MYO5C: variants seen among roughly 807,000 people sequenced by gnomAD.
MYO5C encodes unconventional myosin-Vc.
In MYO5C, 194 loss-of-function variants were observed where a neutral mutation model predicts 235.7. That is an observed-to-expected ratio of 0.82 (90% confidence interval 0.73 to 0.93). MYO5C has a LOEUF of 0.93. MYO5C is among the 40% of genes least tolerant of loss of function. The probability of loss-of-function intolerance (pLI) is 0.00; values close to 1 mark genes in which losing one functional copy is unlikely to be tolerated. For synonymous variants in MYO5C, 707 were observed against 754.8 expected (o/e 0.94, Z 1.04); for missense variants, 2,038 against 2,127.2 (o/e 0.96, Z 0.82).
chr15:52,275,591 T>C lies in MYO5C; in HGVS notation c.577A>G (p.Lys193Glu), dbSNP rs1264155965. ...KSGSNAHVED[K>E]VLASNPITEA... ...GTGATGGGATTGGATGCCAGGACCT[T>C]GTCTTCCACGTGAGCGTTGCTGCCC... The change falls in exon 5 of 41, where the codon AAG becomes GAG. Residue 193 changes from lysine (K) to glutamate (E), a missense_variant. Physicochemically the swap from Lys to Glu is moderately conservative, Grantham distance 56. Coordinates refer to ENST00000261839, the MANE Select transcript of MYO5C (RefSeq NM_018728.4). 6.2e-7 allele frequency: 1 copy of C among 1,614,086 alleles called. No individual in the cohort carries two copies. Among genetic ancestry groups the C allele is most frequent in the Non-Finnish European group, 8.5e-7 (1 of 1,180,046 alleles).
chr15:52,247,658 C>A, intron 14 of MYO5C, 66 bp from the exon 15 acceptor site: 2 of 1,563,838 alleles, frequency 1.3e-6, no homozygotes, highest in Non-Finnish European at 1.7e-6. Flanking sequence ...TCATACAAGC[C>A]ACGTAAATGG....
intron 23 of MYO5C, among the ~76,000 whole-genome samples, chr15:52,233,026 TCCCA>T (rs2036000971): frequency 7.3e-5 from 1 of 13,724 alleles, no homozygotes; most frequent in Non-Finnish European, 3.7e-3. Context: ...ACGCCTGTAA[TCCCA>T]GCACTTTGGG....
chr15:52,295,670 C>T lies in MYO5C; in HGVS notation c.-34G>A, dbSNP rs983953093. On this transcript the variant is annotated 5_prime_UTR_variant, in exon 1 of 41. Coordinates refer to ENST00000261839, the MANE Select transcript of MYO5C (RefSeq NM_018728.4). The stretch of plus-strand genomic sequence containing the variant: ...GGGGCCGGGGCCAGGCCGGGGCTGC[C>T]GAACGTGCGAGGCTCGGGGGCTGGG... The T allele has an allele frequency of 2.9e-6, 4 of 1,393,070 alleles. No individual in the cohort carries two copies. Among genetic ancestry groups the T allele is most frequent in the Non-Finnish European group, 3.7e-6 (4 of 1,071,518 alleles). The allele number at this position is 1,393,070 out of a possible 1,614,324, so 86.3% of individuals were successfully genotyped here.
intron 35 of MYO5C, among the ~76,000 whole-genome samples, 196 bp downstream of exon 35, chr15:52,211,534 G>A (rs534754149): frequency 1.3e-5 from 2 of 152,324 alleles, no homozygotes; most frequent in African/African-American, 4.8e-5. Context: ...CGCCGGTAAG[G>A]CTTTGAGGCC....
At chr15:52,247,065 T>C in intron 15 of MYO5C, 51 bp from the exon 16 acceptor site, 3 of 1,507,212 alleles carry the variant, frequency 2.0e-6, no homozygotes, top group Middle Eastern at 3.4e-4. Context: ...ATTTACTGCT[T>C]ACATCACGGT....
In MYO5C at chr15:52,244,353, T is replaced by C. The variant is rs781503261; in HGVS notation, c.2390+3A>G. The C allele has an allele frequency of 7.4e-6, 12 of 1,611,570 alleles. No individual in the cohort carries two copies. The highest frequency in any genetic ancestry group is 3.8e-4 in the Middle Eastern group (2 of 5,240). ...CCACATGTGTTCCTTGATTCCAACA[T>C]ACCTCACAGTTTGCTGACCCCGGAA... On this transcript the variant is annotated splice_donor_region_variant and intron_variant, in intron 19 of 40. Transcript: ENST00000261839.
chr15:52,207,552 G>C (rs907670064), intron 36 of MYO5C, among the ~76,000 whole-genome samples: 1 of 152,138 alleles, frequency 6.6e-6, no homozygotes, highest in Non-Finnish European at 1.5e-5. Context: ...ATTTTGGATA[G>C]GTAAAAACAT....
At chr15:52,198,297 T>C (rs575005476) in intron 38 of MYO5C, among the ~76,000 whole-genome samples, 65 of 152,150 alleles carry the variant, frequency 4.3e-4, no homozygotes, top group Non-Finnish European at 7.9e-4. Context: ...ATTGCACCAC[T>C]GTAGTTCAGC....
chr15:52,242,240 T>C, intron 19 of MYO5C, 27 bp from the exon 20 acceptor site: 9 of 1,588,556 alleles, frequency 5.7e-6, no homozygotes, highest in Non-Finnish European at 7.7e-6. Flanking sequence ...GAAGAGTGAG[T>C]CTGTTACCCA....
intron 2 of MYO5C, among the ~76,000 whole-genome samples, 192 bp downstream of exon 2, chr15:52,282,590 A>G (rs1352976065): frequency 6.6e-6 from 1 of 152,174 alleles, no homozygotes. Context: ...AGGGCAGCAC[A>G]GGGGCGGGAG....
In MYO5C at chr15:52,272,668, T is replaced by C; in HGVS notation, c.662A>G (p.Tyr221Cys). 1 of 1,614,212 alleles carries C rather than the reference T, an allele frequency of 6.2e-7. No individual in the cohort carries two copies. Among genetic ancestry groups the C allele is most frequent in the South Asian group, 1.1e-5 (1 of 91,088 alleles). Residue 221 changes from tyrosine (Y) to cysteine (C), a missense_variant, in exon 6 of 41, where the codon TAC becomes TGC. Coordinates refer to ENST00000261839, the MANE Select transcript of MYO5C (RefSeq NM_018728.4). ...RNDNSSRFGK[Y>C]TEISFDEQNQ... is the part of the protein sequence containing the mutation. ...TTGTTCATCAAAACTGATTTCTGTG[T>C]ATTTCCCAAACCGACTACTATTGTC...
Position 52,211,726 on chromosome 15 carries a change from C to T in MYO5C, c.4296+4G>A. The T allele has an allele frequency of 6.2e-7, 1 of 1,612,948 alleles. No homozygotes were observed. On this transcript the variant is annotated splice_donor_region_variant and intron_variant, in intron 35 of 40. Coordinates refer to ENST00000261839, the MANE Select transcript of MYO5C (RefSeq NM_018728.4). Reference sequence around the variant, plus strand: ...CAGGGGCCAATGTCAAAGGCATTTCCTACCTTAACCACCTGCTTGATGCCA... The same window carrying T: ...CAGGGGCCAATGTCAAAGGCATTTCTTACCTTAACCACCTGCTTGATGCCA...
At chr15:52,259,523 C>T (rs2036648708) in intron 10 of MYO5C, among the ~76,000 whole-genome samples, 1 of 151,744 alleles carries the variant, frequency 6.6e-6, no homozygotes, top group Non-Finnish European at 1.5e-5. Context: ...CAGGGAATAA[C>T]AGAATAATTA....
chr15:52,281,855 T>A lies in MYO5C; in HGVS notation c.138+927A>T, dbSNP rs1566993446. 2.0e-5 allele frequency among the ~76,000 whole-genome samples: 3 copies of A among 152,220 alleles called. No homozygotes were observed. The South Asian group carries it at 6.2e-4, about 32-fold the overall frequency. On this transcript the variant is annotated intron_variant, in intron 2 of 40. Transcript: ENST00000261839. ...CCTGTGTCTGCAGAACCCATTTACA[T>A]GCTTTGTCAATTAATCCTCACATGA...
intron 24 of MYO5C, 36 bp from the exon 25 acceptor site, chr15:52,229,349 G>T: frequency 6.9e-6 from 11 of 1,598,094 alleles, no homozygotes; most frequent in Non-Finnish European, 9.4e-6. Context: ...TTAGAGCTGA[G>T]CATGGTGGCT....
intron 40 of MYO5C, among the ~76,000 whole-genome samples, chr15:52,194,753 A>G (rs1050399921): frequency 7.3e-5 from 11 of 151,230 alleles, no homozygotes; most frequent in African/African-American, 2.7e-4. Flanking sequence ...TATATATGCT[A>G]TATTATCATA....
chr15:52,276,887 A>G (rs1400380454), intron 4 of MYO5C, among the ~76,000 whole-genome samples: 1 of 152,112 alleles, frequency 6.6e-6, no homozygotes, highest in Non-Finnish European at 1.5e-5. Flanking sequence ...GGCACCGCTC[A>G]CATGCCAGGT....
intron 10 of MYO5C, among the ~76,000 whole-genome samples, chr15:52,258,494 A>G (rs897625545): frequency 6.6e-6 from 1 of 152,030 alleles, no homozygotes; most frequent in Non-Finnish European, 1.5e-5. Flanking sequence ...GCCTTCATTC[A>G]CTCTCAGCTT....
At chr15:52,266,939 C>T (rs908943907) in intron 8 of MYO5C, among the ~76,000 whole-genome samples, 2 of 152,172 alleles carry the variant, frequency 1.3e-5, no homozygotes, top group African/African-American at 2.4e-5. Context: ...CCATTAATGC[C>T]TTGAGAGGAC....
Sources: gnomAD v4.1 joint callset for allele counts (sites outside exome capture counted in the v4.1 genomes callset) on GRCh38, gnomAD v4.1.1 for gene constraint, MANE v1.5 for transcripts, NCBI Gene and HGNC (gene_info 2026-07-23, HGNC 2026-07-21) for gene names.